Variants in CMIP observed in about 807,000 individuals in gnomAD.
CMIP encodes the protein C-Maf-inducing protein.
CMIP carries 13 observed loss-of-function variants against 97.3 expected under a neutral mutation model. The observed-to-expected ratio is 0.13, with a 90% CI of 0.09 to 0.21. The LOEUF is 0.21. CMIP is among the 10% of genes least tolerant of loss of function. The pLI, the probability that CMIP is intolerant of heterozygous loss-of-function variation, is 1.00. For missense variants in CMIP, 847 were observed against 1,024.9 expected (o/e 0.83, Z 2.37); for synonymous variants, 538 against 436.3 (o/e 1.23, Z -2.91).
chr16:81,706,752 C>T (rs370020113), intron 19 of CMIP, among the ~76,000 whole-genome samples: 164 of 152,248 alleles, frequency 1.1e-3, no homozygotes, highest in African/African-American at 3.9e-3. Flanking sequence ...AGTGGGGGCA[C>T]ACGACAGAGG....
intron 10 of CMIP, among the ~76,000 whole-genome samples, chr16:81,681,662 T>G (rs925306281): frequency 1.3e-5 from 2 of 152,210 alleles, no homozygotes; most frequent in South Asian, 2.1e-4. Flanking sequence ...ATTGATTCAG[T>G]AAGAGTGCTT....
rs1300387809 is a variant in CMIP at position 81,511,277 on chromosome 16, C to T, written c.300+65736C>T. Among the ~76,000 whole-genome samples the T allele has an allele frequency of 6.6e-5, 10 of 152,156 alleles. No homozygotes were observed. In the South Asian group the frequency reaches 2.1e-3, roughly 32 times the overall value. ...AAATAGATATAAATGTAATACCATCCTCATGCCTAAGAAACTAACAATAAT... is the reference window on the plus strand; with the variant it reads ...AAATAGATATAAATGTAATACCATCTTCATGCCTAAGAAACTAACAATAAT... On this transcript the variant is annotated intron_variant, in intron 1 of 20. Transcript: ENST00000537098.
At chr16:81,496,953 G>T (rs2089503063) in intron 1 of CMIP, among the ~76,000 whole-genome samples, 1 of 152,274 alleles carries the variant, frequency 6.6e-6, no homozygotes, top group Non-Finnish European at 1.5e-5. Flanking sequence ...ACTGCTGGCT[G>T]GCTGGGGGGT....
chr16:81,522,525 G>A (rs1485056527), intron 1 of CMIP, among the ~76,000 whole-genome samples: 2 of 152,142 alleles, frequency 1.3e-5, no homozygotes, highest in African/African-American at 2.4e-5. Flanking sequence ...TCTTCTTTTT[G>A]AATTTTGAAA....
At chr16:81,488,625 C>T (rs1293687605) in intron 1 of CMIP, among the ~76,000 whole-genome samples, 1 of 152,122 alleles carries the variant, frequency 6.6e-6, no homozygotes, top group East Asian at 1.9e-4. Flanking sequence ...TCTCTGTGTG[C>T]CCCTTCTCCT....
At chr16:81,514,506 C>T (rs920846983) in intron 1 of CMIP, among the ~76,000 whole-genome samples, 1 of 152,158 alleles carries the variant, frequency 6.6e-6, no homozygotes, top group Non-Finnish European at 1.5e-5. Context: ...CTCACTGAGC[C>T]TCCATTCTTC....
rs963915142 is a variant in CMIP at position 81,614,297 on chromosome 16, G to A, written c.427-6579G>A. Among the ~76,000 whole-genome samples, 28 of 152,348 alleles carry A rather than the reference G, an allele frequency of 1.8e-4. No homozygotes were observed. Among genetic ancestry groups the A allele is most frequent in the Admixed American group, 1.2e-3 (18 of 15,310 alleles). On this transcript the variant is annotated intron_variant, in intron 2 of 20. Transcript: ENST00000537098. The surrounding 1 kb of genome is among the most constrained non-coding windows in gnomAD (Gnocchi z 5.3). ...CCACGCATTCTAGGTGGCTGGAAGC[G>A]GCACGGCATTGTTTCTAACTTGTGC...
intron 2 of CMIP, among the ~76,000 whole-genome samples, chr16:81,615,421 C>T (rs200246627): frequency 5.5e-4 from 43 of 78,812 alleles, no homozygotes; most frequent in South Asian, 3.1e-3. Context: ...TGTGTGTGTG[C>T]GTGGTGTGTG....
chr16:81,535,773 C>T (rs2090331384), intron 1 of CMIP, among the ~76,000 whole-genome samples: 1 of 152,140 alleles, frequency 6.6e-6, no homozygotes, highest in South Asian at 2.1e-4. Context: ...TCCCCTCCCA[C>T]CATAAATTAC....
At chr16:81,542,996 C>G (rs893444755) in intron 1 of CMIP, among the ~76,000 whole-genome samples, 1 of 152,224 alleles carries the variant, frequency 6.6e-6, no homozygotes, top group Admixed American at 6.5e-5. Flanking sequence ...GTGAATTCTG[C>G]CCCAGGCCTA....
chr16:81,702,716 G>C, intron 17 of CMIP, 47 bp downstream of exon 17: 1 of 1,572,714 alleles, frequency 6.4e-7, no homozygotes. Context: ...AAGGTGGGTT[G>C]GTCCTCTCTG....
chr16:81,491,555 C>T (rs1047014898), intron 1 of CMIP, among the ~76,000 whole-genome samples: 10 of 152,064 alleles, frequency 6.6e-5, no homozygotes, highest in Non-Finnish European at 1.2e-4. Flanking sequence ...TAAAAGAAGA[C>T]GAAAAAAACC....
At chr16:81,503,073 C>G (rs2089641976) in intron 1 of CMIP, among the ~76,000 whole-genome samples, 1 of 152,236 alleles carries the variant, frequency 6.6e-6, no homozygotes, top group Non-Finnish European at 1.5e-5. Context: ...AAGAGCTGCC[C>G]TAGTTCAGCA....
rs574540595 is a variant in CMIP at position 81,701,859 on chromosome 16, C to T, written c.1896+59C>T. The T allele has an allele frequency of 3.6e-5, 58 of 1,599,548 alleles. No individual in the cohort carries two copies. The East Asian group carries it at 1.1e-3, about 31-fold the overall frequency. Reference sequence around the variant, plus strand: ...CCCAGCAGGCCAGGGGGGGCCAGGGCGGGATGCGGGGCAGCTAGTACTTGG... The same window carrying T: ...CCCAGCAGGCCAGGGGGGGCCAGGGTGGGATGCGGGGCAGCTAGTACTTGG... On this transcript the variant is annotated intron_variant, in intron 16 of 20. Transcript: ENST00000537098.
At chr16:81,553,578 C>T (rs2090702747) in intron 1 of CMIP, among the ~76,000 whole-genome samples, 1 of 152,202 alleles carries the variant, frequency 6.6e-6, no homozygotes, top group African/African-American at 2.4e-5. Flanking sequence ...GCTCCTTTCA[C>T]CCGGCAGTGG....
Position 81,711,627 on chromosome 16 carries a change from AAAAG to A in CMIP, c.*1831_*1834del, listed in dbSNP as rs1451079351. The stretch of plus-strand genomic sequence containing the variant: ...AAAAAAAATAAAAAAGGAAAAAAAA[AAAAG>A]AAGAAACAAGACATGCCACCTTTCC... On this transcript the variant is annotated 3_prime_UTR_variant, in exon 21 of 21. Transcript: ENST00000537098. 6.6e-6 allele frequency: 1 copy of A among 152,108 alleles called. No individual in the cohort carries two copies. Among genetic ancestry groups the A allele is most frequent in the Non-Finnish European group, 1.5e-5 (1 of 67,926 alleles). The allele number at this position is 152,108 out of a possible 1,614,324, so 9.4% of individuals were successfully genotyped here.
chr16:81,451,264 A>G (rs544323537), intron 1 of CMIP, among the ~76,000 whole-genome samples: 1 of 152,178 alleles, frequency 6.6e-6, no homozygotes, highest in African/African-American at 2.4e-5. Flanking sequence ...ACGAGATCTG[A>G]TGGTTTTATA....
chr16:81,657,652 C>G (rs1225322684), intron 4 of CMIP, 123 bp from the exon 5 acceptor site: 2 of 762,136 alleles, frequency 2.6e-6, no homozygotes, highest in Non-Finnish European at 4.2e-6. Flanking sequence ...GAAAAAATGA[C>G]AGTGACAGTT....
chr16:81,626,473 TGTG>T (rs1323441477), intron 3 of CMIP, among the ~76,000 whole-genome samples: 1 of 143,382 alleles, frequency 7.0e-6, no homozygotes, highest in East Asian at 2.2e-4. Context: ...ATGTGTGGCA[TGTG>T]GGGTGACTTT....
Sources: gnomAD v4.1 joint callset for allele counts (sites outside exome capture counted in the v4.1 genomes callset) on GRCh38, gnomAD v4.1.1 for gene constraint, Gnocchi (gnomAD v3.1) non-coding constraint, MANE v1.5 for transcripts, NCBI Gene and HGNC (gene_info 2026-07-23, HGNC 2026-07-21) for gene names.